Variants in SPATA13 observed in about 807,000 individuals in gnomAD.
The protein encoded by SPATA13 is spermatogenesis associated 13, also known as spermatogenesis-associated protein 13.
SPATA13 carries 50 observed loss-of-function variants against 104.0 expected under a neutral mutation model. The observed-to-expected ratio is 0.48, with a 90% confidence interval of 0.38 to 0.61. SPATA13 has a LOEUF of 0.61. SPATA13 is among the 20% of genes least tolerant of loss of function. The pLI is 0.00. For missense variants in SPATA13, 1,524 were observed against 1,690.6 expected (o/e 0.90, Z 1.73); for synonymous variants, 606 against 667.5 (o/e 0.91, Z 1.42).
intron 4 of SPATA13, among the ~76,000 whole-genome samples, chr13:24,276,811 T>C (rs956361908): frequency 6.6e-6 from 1 of 152,186 alleles, no homozygotes; most frequent in Non-Finnish European, 1.5e-5. Context: ...TCAAAGCCTA[T>C]TGAAGTTAGT....
At chr13:24,066,812 C>T (rs1464948051) in intron 3 of SPATA13, among the ~76,000 whole-genome samples, 1 of 152,156 alleles carries the variant, frequency 6.6e-6, no homozygotes, top group African/African-American at 2.4e-5. Flanking sequence ...CCTTCAAACT[C>T]CAGCAGGCAT....
In SPATA13 at chr13:24,286,644, C is replaced by G; in HGVS notation, c.2482-121C>G. On this transcript the variant is annotated intron_variant, in intron 6 of 12. Coordinates refer to ENST00000382108, the MANE Select transcript of SPATA13 (RefSeq NM_001166271.3). This position sits in a 1 kb window ranked among gnomAD's most constrained non-coding sequence, Gnocchi z 4.9. ...CCCTGCTGAGGCCATGAGACTCAGG[C>G]GAGGGCCAGGCTGCCTTCCTAACAG... 1.0e-6 allele frequency: 1 copy of G among 986,414 alleles called. No homozygotes were observed. The highest frequency in any genetic ancestry group is 1.5e-6 in the Non-Finnish European group (1 of 678,596). 61.1% of individuals were successfully genotyped at this position (986,414 alleles called of 1,614,324 possible). A position where few individuals can be genotyped will look rare whatever the true frequency, so the allele number is the denominator to read the frequency against.
intron 3 of SPATA13, among the ~76,000 whole-genome samples, chr13:24,058,602 G>A (rs1878656801): frequency 6.6e-6 from 1 of 151,724 alleles, no homozygotes; most frequent in Non-Finnish European, 1.5e-5. Context: ...TAACTTTCTT[G>A]GTGTGAAACT....
rs576317147 is a variant in SPATA13, at chr13:24,234,513, C to G, written c.1653+9931C>G. Among the ~76,000 whole-genome samples, 25 of 152,246 alleles carry G rather than the reference C, an allele frequency of 1.6e-4. 1 individual carries two copies. In the East Asian group the frequency reaches 4.8e-3, roughly 29 times the overall value. ...TGCTTTCAACCCGGCTTGGTGACAC[C>G]GATTGATTTGGCTGTGTCTGCCATG... On this transcript the variant is annotated intron_variant, in intron 2 of 12. Transcript: ENST00000382108.
chr13:24,173,397 TGTGTGG>T (rs1244073923), intron 1 of SPATA13, among the ~76,000 whole-genome samples: 79 of 124,582 alleles, frequency 6.3e-4, no homozygotes, highest in African/African-American at 2.1e-3. Context: ...TGTGTGTGTG[TGTGTGG>T]TAGATTTCTT....
chr13:24,141,396 G>A (rs184326960), intron 3 of SPATA13, among the ~76,000 whole-genome samples: 1 of 152,198 alleles, frequency 6.6e-6, no homozygotes, highest in East Asian at 1.9e-4. Context: ...ACTTGTTGAC[G>A]TTGGGCCTTG....
chr13:24,000,874 G>A (rs1010629369), intron 2 of SPATA13, among the ~76,000 whole-genome samples: 5 of 151,992 alleles, frequency 3.3e-5, no homozygotes, highest in South Asian at 2.1e-4. Flanking sequence ...GTGTAAATTC[G>A]GCAGAGCCTT....
chr13:24,103,504 A>AAAAAAAAAG (rs1458068316), intron 3 of SPATA13, among the ~76,000 whole-genome samples: 7,502 of 114,882 alleles, frequency 0.065, 787 homozygotes, highest in Non-Finnish European at 0.08. Flanking sequence ...AAAAAAAAAC[A>AAAAAAAAAG]AGAAAGAAAA....
At chr13:24,270,242 A>G (rs979036031) in intron 4 of SPATA13, among the ~76,000 whole-genome samples, 6 of 152,156 alleles carry the variant, frequency 3.9e-5, no homozygotes, top group Non-Finnish European at 8.8e-5. Context: ...CCCAGAATAT[A>G]TTACCTGGAG....
chr13:24,033,364 A>G (rs1877549746), intron 3 of SPATA13: 1 of 152,228 alleles, frequency 6.6e-6, no homozygotes, highest in African/African-American at 2.4e-5. Context: ...GGCTCATTGC[A>G]TTTCCCTCTG....
chr13:24,024,783 T>G (rs1877132304), intron 3 of SPATA13, among the ~76,000 whole-genome samples: 1 of 151,586 alleles, frequency 6.6e-6, no homozygotes, highest in African/African-American at 2.4e-5. Context: ...GCCTGCCGGG[T>G]GCAGTGGCAC....
Position 24,011,033 on chromosome 13 carries a change from A to G in SPATA13, c.-146-6634A>G, listed in dbSNP as rs1876448848. On this transcript the variant is annotated intron_variant, in intron 2 of 14. Transcript: ENST00000424834. The surrounding 1 kb of genome is among the most constrained non-coding windows in gnomAD (Gnocchi z 4.3). ...TTCTTCTGTCTTTCCCTCTGCACCC[A>G]TACTGCTGGGATATGCCTGCACTCT... 6.6e-6 allele frequency among the ~76,000 whole-genome samples: 1 copy of G among 152,026 alleles called. No homozygotes were observed. Among genetic ancestry groups the G allele is most frequent in the Admixed American group, 6.6e-5 (1 of 15,266 alleles).
chr13:23,984,947 C>T (rs775622303), intron 2 of SPATA13, among the ~76,000 whole-genome samples: 3 of 152,214 alleles, frequency 2.0e-5, no homozygotes, highest in Admixed American at 1.3e-4. Flanking sequence ...AACCGGCCGG[C>T]GTGCACATCA....
At chr13:24,199,709 C>G (rs552300850) in intron 1 of SPATA13, among the ~76,000 whole-genome samples, 2 of 152,286 alleles carry the variant, frequency 1.3e-5, no homozygotes, top group East Asian at 3.9e-4. Context: ...CCTAGACCTG[C>G]GGCAATGTAT....
chr13:24,196,960 G>T (rs546490312), intron 1 of SPATA13, among the ~76,000 whole-genome samples: 68 of 152,242 alleles, frequency 4.5e-4, no homozygotes, highest in African/African-American at 1.6e-3. Context: ...AAGCTGCTGA[G>T]TACGGGGTGA....
intron 3 of SPATA13, among the ~76,000 whole-genome samples, chr13:24,080,935 C>T (rs1176542655): frequency 6.6e-6 from 1 of 152,180 alleles, no homozygotes; most frequent in East Asian, 1.9e-4. Context: ...CTCCTGGAAA[C>T]ACACGTACCT....
chr13:24,136,539 G>A (rs1230425474), intron 3 of SPATA13, among the ~76,000 whole-genome samples: 4 of 151,620 alleles, frequency 2.6e-5, no homozygotes, highest in Admixed American at 2.0e-4. Flanking sequence ...GAGGGAGGGA[G>A]GGAAAGAAAG....
intron 3 of SPATA13, among the ~76,000 whole-genome samples, chr13:24,024,172 C>G (rs1877099311): frequency 6.6e-6 from 1 of 152,132 alleles, no homozygotes; most frequent in Admixed American, 6.5e-5. Flanking sequence ...AGAAGGATGG[C>G]TAAGGGAGGT....
chr13:24,260,585 C>T (rs1269133083), intron 4 of SPATA13, among the ~76,000 whole-genome samples: 1 of 152,146 alleles, frequency 6.6e-6, no homozygotes, highest in African/African-American at 2.4e-5. Context: ...GGGGACTTGG[C>T]ATCTCTGACA....
Sources: gnomAD v4.1 joint callset for allele counts (sites outside exome capture counted in the v4.1 genomes callset) on GRCh38, gnomAD v4.1.1 for gene constraint, Gnocchi (gnomAD v3.1) non-coding constraint, MANE v1.5 for transcripts, NCBI Gene and HGNC (gene_info 2026-07-23, HGNC 2026-07-21) for gene names.